The following EML6 variants were observed in gnomAD, a reference collection of about 807,000 sequenced individuals.
EML6 encodes the protein EMAP like 6, also known as echinoderm microtubule-associated protein-like 6.
Under a neutral mutation model 240.1 loss-of-function variants are expected in EML6, and 154 were observed. The ratio of observed to expected loss-of-function variants is 0.64; its 90% CI spans 0.56 to 0.73. The LOEUF (loss-of-function observed/expected upper bound fraction) is 0.73. Among genes scored for constraint, EML6 ranks in the 30% least tolerant of loss-of-function variants. The probability of loss-of-function intolerance (pLI) is 0.00; values close to 1 mark genes in which losing one functional copy is unlikely to be tolerated. For missense variants in EML6, 2,964 were observed against 2,474.6 expected (o/e 1.20, Z -4.20); for synonymous variants, 1,148 against 899.0 (o/e 1.28, Z -4.95).
chr2:54,916,195 G>T (rs1040237928), intron 25 of EML6, among the ~76,000 whole-genome samples: 1 of 152,156 alleles, frequency 6.6e-6, no homozygotes, highest in African/African-American at 2.4e-5. Context: ...TTTTAAAGTT[G>T]TGTCTTGTAA....
intron 2 of EML6, among the ~76,000 whole-genome samples, chr2:54,769,568 A>G (rs1293014897): frequency 2.0e-5 from 3 of 151,842 alleles, no homozygotes; most frequent in African/African-American, 4.8e-5. Context: ...AAAATTTTAT[A>G]TACTTTATTG....
rs746126282 is a variant in EML6 at position 54,844,239 on chromosome 2, G to C, written c.1040G>C (p.Arg347Pro). ...KPLAVTGSDDRSVRLWSLADH... is the reference protein window; with the variant it reads ...KPLAVTGSDDPSVRLWSLADH... ...CTGGCTGTGACAGGCAGCGATGACCGCTCTGTCAGGTGAGGCCCTACCGCC... is the reference window on the plus strand; with the variant it reads ...CTGGCTGTGACAGGCAGCGATGACCCCTCTGTCAGGTGAGGCCCTACCGCC... The change falls in exon 8 of 42, where the codon CGC becomes CCC. Residue 347 changes from arginine to proline, a missense_variant. Coordinates refer to ENST00000356458, the MANE Select transcript of EML6 (RefSeq NM_001039753.4). 1.9e-6 allele frequency: 3 copies of C among 1,551,004 alleles called. No homozygotes were observed. The highest frequency in any genetic ancestry group is 1.7e-6 in the Non-Finnish European group (2 of 1,146,562).
intron 2 of EML6, among the ~76,000 whole-genome samples, chr2:54,797,164 CAAAAAA>C (rs773498648): frequency 4.1e-4 from 18 of 43,828 alleles, no homozygotes; most frequent in Admixed American, 4.1e-3. Context: ...GACTCCATCT[CAAAAAA>C]AAAAAAAAAA....
intron 28 of EML6, among the ~76,000 whole-genome samples, chr2:54,948,021 C>T (rs1675773256): frequency 6.6e-6 from 1 of 152,156 alleles, no homozygotes; most frequent in African/African-American, 2.4e-5. Flanking sequence ...CAAGGTAATC[C>T]TTCTCTTTGC....
intron 26 of EML6, among the ~76,000 whole-genome samples, chr2:54,920,317 G>T (rs1282463984): frequency 6.6e-6 from 1 of 152,050 alleles, no homozygotes; most frequent in Non-Finnish European, 1.5e-5. Flanking sequence ...AATTATAAAT[G>T]AAAGATGAGA....
intron 28 of EML6, among the ~76,000 whole-genome samples, chr2:54,945,091 T>A (rs1573194048): frequency 1.2e-5 from 1 of 81,326 alleles, no homozygotes; most frequent in East Asian, 4.6e-4. Context: ...CCTCCCTCTC[T>A]CCCTCCTCTC....
At chr2:54,795,522 G>A (rs958637916) in intron 2 of EML6, among the ~76,000 whole-genome samples, 4 of 152,136 alleles carry the variant, frequency 2.6e-5, no homozygotes, top group African/African-American at 7.2e-5. Context: ...GGAGGAAAAG[G>A]GAAGAGGGGA....
intron 12 of EML6, among the ~76,000 whole-genome samples, chr2:54,861,892 T>G (rs1021712698): frequency 1.1e-4 from 16 of 151,782 alleles, no homozygotes; most frequent in Admixed American, 1.1e-3. Context: ...TAAGTAGAGA[T>G]ATGTGATTTA....
At chr2:54,792,070 T>G (rs1669484594) in intron 2 of EML6, among the ~76,000 whole-genome samples, 1 of 152,210 alleles carries the variant, frequency 6.6e-6, no homozygotes, top group African/African-American at 2.4e-5. Context: ...CTGGTTTTCT[T>G]CAGTTTTTTA....
At chr2:54,942,524 T>C (rs1251818806) in intron 28 of EML6, among the ~76,000 whole-genome samples, 1 of 152,072 alleles carries the variant, frequency 6.6e-6, no homozygotes, top group Non-Finnish European at 1.5e-5. Context: ...GAGGAGGCAT[T>C]TGCAGGAGTG....
intron 2 of EML6, among the ~76,000 whole-genome samples, chr2:54,789,480 C>T (rs1372522993): frequency 7.6e-6 from 1 of 131,676 alleles, no homozygotes; most frequent in Admixed American, 8.8e-5. Context: ...CGCCACTGCA[C>T]TCCCGCCTGG....
At chr2:54,928,872 A>G in intron 28 of EML6, 121 bp downstream of exon 28, 1 of 1,201,956 alleles carries the variant, frequency 8.3e-7, no homozygotes, top group African/African-American at 1.5e-5. Flanking sequence ...ATAAATCTTC[A>G]CAGAGTCTTC....
chr2:54,895,365 A>C lies in EML6; in HGVS notation c.2947A>C (p.Ile983Leu), dbSNP rs1672708287. The change falls in exon 21 of 42, where the codon ATT (isoleucine) becomes CTT (leucine). Residue 983 changes from isoleucine to leucine, a missense_variant. Transcript: ENST00000356458. ...VGTKNGEILE[I>L]DKSGPMTLLV... ...AACAAAAAATGGAGAGATTCTGGAA[A>C]TTGATAAGAGTGGCCCAATGACACT... 6.4e-7 allele frequency: 1 copy of C among 1,551,924 alleles called. No homozygotes were observed. The highest frequency in any genetic ancestry group is 1.4e-5 in the African/African-American group (1 of 73,036).
At chr2:54,914,234 G>A (rs1644220752) in intron 25 of EML6, among the ~76,000 whole-genome samples, 1 of 152,154 alleles carries the variant, frequency 6.6e-6, no homozygotes, top group South Asian at 2.1e-4. Flanking sequence ...TTACAGATAA[G>A]GAAACTAAGG....
Position 54,968,769 on chromosome 2 carries a change from G to A in EML6, c.5852+1G>A. The stretch of plus-strand genomic sequence containing the variant: ...TCAGCACTGGAGGAGACGACTGCAG[G>A]TACTAACGTAGCTGACCCAGTTCTT... On this transcript the variant is annotated splice_donor_variant, in intron 41 of 41. Transcript: ENST00000356458. LOFTEE classifies it high-confidence loss of function. 1.3e-6 allele frequency: 2 copies of A among 1,495,844 alleles called. No homozygotes were observed. The highest frequency in any genetic ancestry group is 1.8e-6 in the Non-Finnish European group (2 of 1,096,038). 92.7% of individuals were successfully genotyped at this position (1,495,844 alleles called of 1,614,324 possible).
chr2:54,823,878 T>TCTCTCTCTCTCTCTCTCTCTCTCTG (rs60937620), intron 5 of EML6, among the ~76,000 whole-genome samples: 48 of 129,188 alleles, frequency 3.7e-4, no homozygotes, highest in African/African-American at 1.6e-3. Flanking sequence ...CTCTCTCTCT[T>TCTCTCTCTCTCTCTCTCTCTCTCTG]TCTGTCTCTC....
intron 7 of EML6, among the ~76,000 whole-genome samples, chr2:54,836,925 T>C (rs1669182363): frequency 6.6e-6 from 1 of 152,160 alleles, no homozygotes. Flanking sequence ...CAGAAGTCCC[T>C]GCAAGGCCCA....
intron 5 of EML6, among the ~76,000 whole-genome samples, chr2:54,827,107 A>G (rs1347737015): frequency 6.6e-6 from 1 of 152,224 alleles, no homozygotes; most frequent in Non-Finnish European, 1.5e-5. Flanking sequence ...TGGGAGGTAG[A>G]GGTTGCAGTG....
At chr2:54,729,692 C>T (rs887752973) in intron 2 of EML6, among the ~76,000 whole-genome samples, 4 of 152,152 alleles carry the variant, frequency 2.6e-5, no homozygotes, top group African/African-American at 9.7e-5. Flanking sequence ...ATATTGTGGT[C>T]CCTACAACTG....
Sources: allele counts gnomAD v4.1 joint callset (sites outside exome capture counted in the v4.1 genomes callset), GRCh38; gene constraint gnomAD v4.1.1; transcripts MANE v1.5; gene names NCBI Gene and HGNC (gene_info 2026-07-23, HGNC 2026-07-21).